The following TSNARE1 variants were observed in gnomAD, a reference collection of about 807,000 sequenced individuals.
TSNARE1 encodes t-SNARE domain-containing protein 1.
In TSNARE1, 49 loss-of-function variants were observed where a neutral mutation model predicts 62.0. The observed-to-expected ratio is 0.79, with a 90% confidence interval of 0.63 to 1.00. The LOEUF is 1.00. TSNARE1 is among the 50% of genes least tolerant of loss of function. TSNARE1 has a pLI of 0.00. For synonymous variants in TSNARE1, 328 were observed against 294.4 expected (o/e 1.11, Z -1.17); for missense variants, 755 against 700.1 (o/e 1.08, Z -0.88).
intron 12 of TSNARE1, among the ~76,000 whole-genome samples, chr8:142,252,470 T>C (rs1169142538): frequency 6.6e-6 from 1 of 152,204 alleles, no homozygotes; most frequent in African/African-American, 2.4e-5. Flanking sequence ...GAGGTGGTGC[T>C]GCCGGCGACA....
intron 12 of TSNARE1, among the ~76,000 whole-genome samples, chr8:142,255,479 TCACCATCATCATCACCACCAC>T: frequency 4.5e-5 from 1 of 22,254 alleles, no homozygotes; most frequent in African/African-American, 2.6e-4. Context: ...ACCACCACCA[TCACCATCATCATCACCACCAC>T]CACCACTGTC....
chr8:142,244,984 G>A (rs186700967), intron 12 of TSNARE1, among the ~76,000 whole-genome samples: 85 of 152,296 alleles, frequency 5.6e-4, no homozygotes, highest in African/African-American at 1.7e-3. Flanking sequence ...TCATTACGAC[G>A]GAAAAAAACC....
At chr8:142,285,582 G>C (rs1467272367) in intron 10 of TSNARE1, among the ~76,000 whole-genome samples, 1 of 151,850 alleles carries the variant, frequency 6.6e-6, no homozygotes, top group East Asian at 1.9e-4. Flanking sequence ...GGATGGAAGA[G>C]TGAATGGACG....
chr8:142,328,826 GGGA>G (rs202112332), intron 6 of TSNARE1, among the ~76,000 whole-genome samples: 19,363 of 137,018 alleles, frequency 0.14, 2,007 homozygotes, highest in East Asian at 0.21. Flanking sequence ...TTTGGGGGGG[GGGA>G]GGGTTCCGCA....
At chr8:142,267,451 G>A (rs891849696) in intron 12 of TSNARE1, among the ~76,000 whole-genome samples, 3 of 152,186 alleles carry the variant, frequency 2.0e-5, no homozygotes, top group African/African-American at 7.2e-5. Context: ...CACTCACCTG[G>A]AATGCAGCAC....
intron 9 of TSNARE1, 65 bp from the exon 10 acceptor site, chr8:142,300,709 G>A: frequency 6.5e-7 from 1 of 1,541,620 alleles, no homozygotes; most frequent in Admixed American, 1.8e-5. Flanking sequence ...CCCAGGCCCA[G>A]AAATTCAACA....
At chr8:142,262,970 T>C (rs922449449) in intron 12 of TSNARE1, among the ~76,000 whole-genome samples, 5 of 152,232 alleles carry the variant, frequency 3.3e-5, no homozygotes, top group African/African-American at 1.2e-4. Context: ...CAAACTCTCT[T>C]ATAAATTCTA....
chr8:142,320,400 A>G (rs1389943666), intron 6 of TSNARE1, among the ~76,000 whole-genome samples: 2 of 137,152 alleles, frequency 1.5e-5, no homozygotes, highest in Non-Finnish European at 3.1e-5. Flanking sequence ...CTGCAACTTC[A>G]CCTCCCCACA....
chr8:142,282,429 C>G (rs112456525), intron 11 of TSNARE1, among the ~76,000 whole-genome samples: 2 of 149,752 alleles, frequency 1.3e-5, no homozygotes, highest in Non-Finnish European at 3.0e-5. Context: ...TATTAATGAG[C>G]GGAGCAGGGG....
At chr8:142,261,096 A>AG (rs1818859897) in intron 12 of TSNARE1, among the ~76,000 whole-genome samples, 1 of 18,416 alleles carries the variant, frequency 5.4e-5, no homozygotes, top group Non-Finnish European at 1.1e-4. Flanking sequence ...GGAAGGAGGG[A>AG]AGAGAGGGGG....
At chr8:142,330,029 C>G (rs893717330) in intron 6 of TSNARE1, among the ~76,000 whole-genome samples, 2 of 152,244 alleles carry the variant, frequency 1.3e-5, no homozygotes, top group African/African-American at 4.8e-5. Context: ...CTGGCCCTTT[C>G]AGGGTGCAAG....
chr8:142,341,952 C>T (rs1375476967), intron 4 of TSNARE1, among the ~76,000 whole-genome samples: 2 of 152,214 alleles, frequency 1.3e-5, no homozygotes, highest in Non-Finnish European at 2.9e-5. Context: ...CCCATGACAG[C>T]AGTGCTCTGT....
At chr8:142,393,978 G>A (rs1837722673) in intron 1 of TSNARE1, among the ~76,000 whole-genome samples, 1 of 152,208 alleles carries the variant, frequency 6.6e-6, no homozygotes, top group Non-Finnish European at 1.5e-5. Context: ...GTTGCTTCAG[G>A]CTACTAAAAC....
At chr8:142,229,407 T>C (rs1816994030) in intron 13 of TSNARE1, 66 bp downstream of exon 13, 1 of 1,256,112 alleles carries the variant, frequency 8.0e-7, no homozygotes, top group Non-Finnish European at 1.2e-6. Context: ...GGATGGTGGA[T>C]AGGTGAATGA....
intron 12 of TSNARE1, among the ~76,000 whole-genome samples, chr8:142,262,552 A>G (rs925811182): frequency 1.3e-5 from 2 of 152,134 alleles, no homozygotes; most frequent in Non-Finnish European, 2.9e-5. Context: ...TCAGTGTTGG[A>G]GGCCTGGTGG....
chr8:142,319,880 C>CCA lies in TSNARE1; in HGVS notation c.894-1247_894-1246insTG, dbSNP rs1829210514. 6.6e-6 allele frequency among the ~76,000 whole-genome samples: 1 copy of CCA among 152,164 alleles called. No individual in the cohort carries two copies. The highest frequency in any genetic ancestry group is 2.4e-5 in the African/African-American group (1 of 41,454). On this transcript the variant is annotated intron_variant, in intron 6 of 13. Coordinates refer to ENST00000524325, the MANE Select transcript of TSNARE1 (RefSeq NM_145003.5). This position sits in a 1 kb window ranked among gnomAD's most constrained non-coding sequence, Gnocchi z 4.9. ...AGGTTACTACAGACTAGGCGGGAAG[C>CCA]GCGGGGACAGGAGCTTTCTTCCCCG...
chr8:142,260,363 C>T (rs953082728), intron 12 of TSNARE1, among the ~76,000 whole-genome samples: 1 of 152,078 alleles, frequency 6.6e-6, no homozygotes, highest in Non-Finnish European at 1.5e-5. Context: ...AAGTTGAGGG[C>T]CAGATGAGCA....
Position 142,331,736 on chromosome 8 carries a change from G to A in TSNARE1, c.823+18C>T. ...GTGCCTGGATGGAGGGGCAGGCCCA[G>A]GCCAGACGCACACTCACCACTGGAG... is the stretch of plus-strand genomic sequence containing the variant. On this transcript the variant is annotated intron_variant, in intron 5 of 13. Coordinates refer to ENST00000524325, the MANE Select transcript of TSNARE1 (RefSeq NM_145003.5). 6.3e-7 allele frequency: 1 copy of A among 1,580,746 alleles called. No individual in the cohort carries two copies. Among genetic ancestry groups the A allele is most frequent in the Non-Finnish European group, 8.6e-7 (1 of 1,163,496 alleles).
At chr8:142,383,190 G>T (rs1297042400) in intron 1 of TSNARE1, among the ~76,000 whole-genome samples, 2 of 152,208 alleles carry the variant, frequency 1.3e-5, no homozygotes, top group Non-Finnish European at 2.9e-5. Flanking sequence ...TAAGGGAGGG[G>T]AGACAGGAGA....
Sources: gnomAD v4.1 joint callset for allele counts (sites outside exome capture counted in the v4.1 genomes callset) on GRCh38, gnomAD v4.1.1 for gene constraint, Gnocchi (gnomAD v3.1) non-coding constraint, MANE v1.5 for transcripts, NCBI Gene and HGNC (gene_info 2026-07-23, HGNC 2026-07-21) for gene names.